ANTXRL: variants seen among roughly 807,000 people sequenced by gnomAD.
ANTXRL encodes anthrax toxin receptor-like.
Under a neutral mutation model 75.4 loss-of-function variants are expected in ANTXRL, and 63 were observed. The ratio of observed to expected loss-of-function variants is 0.84; its 90% CI spans 0.68 to 1.03. The LOEUF (loss-of-function observed/expected upper bound fraction) is 1.03, where lower values mean the gene tolerates loss of function less well. Ranked by LOEUF, ANTXRL falls within the 50% of genes least tolerant of loss-of-function variation. The probability of loss-of-function intolerance (pLI) is 0.00; values close to 1 mark genes in which losing one functional copy is unlikely to be tolerated. For missense variants in ANTXRL, 797 were observed against 789.4 expected, an observed-to-expected ratio of 1.01 and a Z score of -0.12; for synonymous variants, 335 against 291.3, an observed-to-expected ratio of 1.15 and a Z score of -1.53.
At chr10:46,292,267 T>G (rs574227647) in intron 2 of ANTXRL, 138 bp downstream of exon 2, 161 of 823,744 alleles carry the variant, frequency 2.0e-4, no homozygotes, top group Non-Finnish European at 2.9e-4. Context: ...GGTGGCATTC[T>G]GAAGCAGGAA....
chr10:46,305,347 A>T (rs782602567), intron 10 of ANTXRL, among the ~76,000 whole-genome samples: 4 of 151,116 alleles, frequency 2.6e-5, no homozygotes, highest in Non-Finnish European at 5.9e-5. Flanking sequence ...CTCTAAACAG[A>T]AATGCTATTT....
intron 14 of ANTXRL, 124 bp downstream of exon 14, chr10:46,310,623 G>A (rs1176716241): frequency 5.9e-6 from 6 of 1,019,984 alleles, no homozygotes; most frequent in South Asian, 1.4e-5. Flanking sequence ...TGACAGAGGG[G>A]CAGAATGGAG....
intron 14 of ANTXRL, 48 bp downstream of exon 14, chr10:46,310,547 C>A: frequency 6.6e-7 from 1 of 1,521,486 alleles, no homozygotes; most frequent in East Asian, 2.4e-5. Flanking sequence ...AAGGAGCCCA[C>A]TGACCTTCAC....
chr10:46,328,593 G>A (rs1169942449), intron 16 of ANTXRL, among the ~76,000 whole-genome samples: 2 of 151,954 alleles, frequency 1.3e-5, no homozygotes, highest in African/African-American at 4.8e-5. Flanking sequence ...CTGGGAAAAG[G>A]TCATTTTACA....
At chr10:46,327,960 A>G (rs1470089178) in intron 16 of ANTXRL, among the ~76,000 whole-genome samples, 3 of 152,150 alleles carry the variant, frequency 2.0e-5, no homozygotes. Context: ...AGGTCGAGGC[A>G]AAGTAGCATA....
At position 46,330,114 on chromosome 10, in the gene ANTXRL, T is replaced by C; in HGVS notation, c.*30T>C. 1.4e-6 allele frequency: 2 copies of C among 1,471,440 alleles called. No individual in the cohort carries two copies. Among genetic ancestry groups the C allele is most frequent in the South Asian group, 1.4e-5 (1 of 73,694 alleles). The allele number at this position is 1,471,440 out of a possible 1,614,324, so 91.1% of individuals were successfully genotyped here. A position where few individuals can be genotyped will look rare whatever the true frequency, so the allele number is the denominator to read the frequency against. On this transcript the variant is annotated 3_prime_UTR_variant, in exon 17 of 17. Transcript: ENST00000620264. ...CCAAACACCCAAGATTAACAGGCTTTTGTTGCTGAACTGGACATATACATT... is the reference window on the plus strand; with the variant it reads ...CCAAACACCCAAGATTAACAGGCTTCTGTTGCTGAACTGGACATATACATT...
At chr10:46,316,110 C>T (rs188504077) in intron 16 of ANTXRL, among the ~76,000 whole-genome samples, 4 of 152,214 alleles carry the variant, frequency 2.6e-5, no homozygotes, top group Admixed American at 1.3e-4. Context: ...CAATATCACT[C>T]GATCCATCAG....
chr10:46,311,064 G>T (rs1554963351), intron 14 of ANTXRL, among the ~76,000 whole-genome samples: 1 of 152,074 alleles, frequency 6.6e-6, no homozygotes, highest in East Asian at 1.9e-4. Context: ...GGCTCACCTG[G>T]GTCGGGGACC....
rs1350319013 is a variant in ANTXRL, at chr10:46,309,115, C to G, written c.1047C>G (p.Gly349=). The part of the protein sequence containing the change: ...SNVSITSTTC[G]IFRNWLYFVP... ...ATGGTGCTCTCTTTCTCCACCAGGGCATTTTCCGCAACTGGCTCTATTTTG... is the reference window on the plus strand; with the variant it reads ...ATGGTGCTCTCTTTCTCCACCAGGGGATTTTCCGCAACTGGCTCTATTTTG... Residue 349 remains glycine (G), a splice_region_variant and synonymous_variant, in exon 13 of 17, where the codon GGC becomes GGG. Transcript: ENST00000620264. 2.0e-6 allele frequency: 3 copies of G among 1,535,774 alleles called. No homozygotes were observed. The highest frequency in any genetic ancestry group is 2.4e-5 in the South Asian group (2 of 84,056).
intron 16 of ANTXRL, among the ~76,000 whole-genome samples, chr10:46,320,691 C>G (rs1838938007): frequency 6.6e-6 from 1 of 152,062 alleles, no homozygotes; most frequent in South Asian, 2.1e-4. Context: ...AAGATCATGC[C>G]ACTGCACTCC....
At chr10:46,290,427 A>G (rs1355971421) in intron 1 of ANTXRL, among the ~76,000 whole-genome samples, 1 of 152,156 alleles carries the variant, frequency 6.6e-6, no homozygotes, top group Non-Finnish European at 1.5e-5. Flanking sequence ...ACGCTGGTGT[A>G]TACGTATCTC....
chr10:46,329,624 C>A lies in ANTXRL; in HGVS notation c.1436C>A (p.Ala479Glu), dbSNP rs184230259. 2.9e-5 allele frequency: 45 copies of A among 1,536,414 alleles called. No individual in the cohort carries two copies. Among genetic ancestry groups the A allele is most frequent in the Non-Finnish European group, 3.8e-5 (44 of 1,146,796 alleles). Residue 479 changes from alanine (A) to glutamate (E), a missense_variant, in exon 17 of 17, where the codon GCA becomes GAA. Transcript: ENST00000620264. ...GGGAGGTACCTCAGCTTAGCCCTTG[C>A]ACAGTCCCAATATGCACAGGCTCCC... The part of the protein sequence containing the change: ...DQGRYLSLAL[A>E]QSQYAQAPCC...
At chr10:46,302,043 T>C (rs1411264390) in intron 9 of ANTXRL, among the ~76,000 whole-genome samples, 1 of 152,148 alleles carries the variant, frequency 6.6e-6, no homozygotes, top group East Asian at 1.9e-4. Flanking sequence ...ATGGGTGCCC[T>C]GTGGTCCTTG....
At chr10:46,308,789 C>T in intron 12 of ANTXRL, 2 of 399,778 alleles carry the variant, frequency 5.0e-6, no homozygotes, top group Non-Finnish European at 9.4e-6. Context: ...CCTGCACCTC[C>T]ACCCTCACCT....
chr10:46,297,734 C>G, intron 7 of ANTXRL, 97 bp from the exon 8 acceptor site: 1 of 1,128,760 alleles, frequency 8.9e-7, no homozygotes, highest in Non-Finnish European at 1.3e-6. Flanking sequence ...ATTCTGCTGC[C>G]CCCAAAGCAT....
intron 16 of ANTXRL, among the ~76,000 whole-genome samples, chr10:46,313,601 TTG>T (rs1209418633): frequency 2.0e-5 from 3 of 152,186 alleles, no homozygotes; most frequent in Non-Finnish European, 4.4e-5. Context: ...GATTCCTTCC[TTG>T]GTTCATTGCC....
rs782502445 is a variant in ANTXRL, at chr10:46,330,059, TC to T, written c.1878del (p.Ser627GlnfsTer13). 5.0e-5 allele frequency: 75 copies of T among 1,506,590 alleles called. No homozygotes were observed. Among genetic ancestry groups the T allele is most frequent in the Admixed American group, 3.2e-4 (16 of 49,398 alleles). The allele number at this position is 1,506,590 out of a possible 1,614,324, so 93.3% of individuals were successfully genotyped here. ...CACACGGCAGAACCCCCTTTGTCAC[TC>T]CCCCCCTCAGAGCCCAACTTCTAAG... ...LRHTAEPPLS[L>X]PPSEPNF On this transcript the variant is annotated frameshift_variant, in exon 17 of 17. Transcript: ENST00000620264. LOFTEE classifies it high-confidence loss of function.
Position 46,302,728 on chromosome 10 carries a change from A to C in ANTXRL, c.803A>C (p.Tyr268Ser). ...TTGAATGTTGTCCTTGCAGAACCCT[A>C]CCATGTGGTTATTCATGGAAATGGC... ...EPSSECVGEP[Y>S]HVVIHGNGFQ... is the part of the protein sequence containing the mutation. Residue 268 changes from tyrosine (Y) to serine (S), a missense_variant, in exon 10 of 17, where the codon TAC (tyrosine) becomes TCC (serine). Around this residue, in one of 3 missense-constraint regions of ANTXRL, gnomAD observed 56 missense variants for 95.5 expected, o/e 0.59. Transcript: ENST00000620264. 1 of 1,535,194 alleles carries C rather than the reference A, an allele frequency of 6.5e-7. No homozygotes were observed. Among genetic ancestry groups the C allele is most frequent in the South Asian group, 1.2e-5 (1 of 84,028 alleles).
chr10:46,320,787 C>A (rs1011517091), intron 16 of ANTXRL, among the ~76,000 whole-genome samples: 3 of 152,036 alleles, frequency 2.0e-5, no homozygotes, highest in Non-Finnish European at 4.4e-5. Flanking sequence ...CTTTTTTGTA[C>A]CTCCCTTATA....
Sources: gnomAD v4.1 joint callset for allele counts (sites outside exome capture counted in the v4.1 genomes callset) on GRCh38, gnomAD v4.1.1 for gene constraint, gnomAD v4.1.1 regional missense constraint, MANE v1.5 for transcripts, NCBI Gene and HGNC (gene_info 2026-07-23, HGNC 2026-07-21) for gene names.